The following NOL4L variants were observed in gnomAD, a reference collection of about 807,000 sequenced individuals.
NOL4L encodes the protein nucleolar protein 4 like, also known as nucleolar protein 4-like.
Under a neutral mutation model 64.5 loss-of-function variants are expected in NOL4L, and 7 were observed. That is an observed-to-expected ratio of 0.11 (90% CI 0.06 to 0.20). NOL4L has a LOEUF of 0.20. Among genes scored for constraint, NOL4L ranks in the 10% least tolerant of loss-of-function variants. NOL4L has a pLI of 1.00. For missense variants in NOL4L, 680 were observed against 967.1 expected (o/e 0.70, Z 3.94); for synonymous variants, 413 against 401.0 (o/e 1.03, Z -0.36).
At chr20:32,458,779 C>G (rs1443141752) in intron 5 of NOL4L, among the ~76,000 whole-genome samples, 1 of 152,236 alleles carries the variant, frequency 6.6e-6, no homozygotes, top group East Asian at 1.9e-4. Context: ...TCACAGGCAC[C>G]AGGCCCAAGG....
intron 1 of NOL4L, among the ~76,000 whole-genome samples, chr20:32,528,764 A>G (rs2018238161): frequency 6.6e-6 from 1 of 152,246 alleles, no homozygotes; most frequent in African/African-American, 2.4e-5. Context: ...TGCTCCGTGC[A>G]GGCAGTCCTC....
At chr20:32,461,580 G>A (rs1411302345) in intron 5 of NOL4L, among the ~76,000 whole-genome samples, 2 of 150,914 alleles carry the variant, frequency 1.3e-5, no homozygotes, top group Middle Eastern at 3.2e-3. Context: ...CCACCACCAC[G>A]CCTGGCTAAT....
rs190503749 is a variant in NOL4L at position 32,486,508 on chromosome 20, A to T, written c.700-11766T>A. Among the ~76,000 whole-genome samples, 15 of 152,302 alleles carry T rather than the reference A, an allele frequency of 9.8e-5. No individual in the cohort carries two copies. In the East Asian group the frequency reaches 2.3e-3, roughly 23 times the overall value. ...TTTAAGCAGCAAACCCCTTTCTTTC[A>T]TGCAGCTTCCCATATGAAGTAAGCA... On this transcript the variant is annotated intron_variant, in intron 4 of 10. Transcript: ENST00000621426.
At chr20:32,555,729 A>C (rs566372808) in intron 1 of NOL4L, among the ~76,000 whole-genome samples, 9 of 152,298 alleles carry the variant, frequency 5.9e-5, no homozygotes, top group African/African-American at 1.9e-4. Flanking sequence ...ATGAGAAGAC[A>C]CGGAGAGAAG....
At chr20:32,563,324 G>A (rs988174013) in intron 1 of NOL4L, among the ~76,000 whole-genome samples, 1 of 148,584 alleles carries the variant, frequency 6.7e-6, no homozygotes, top group Admixed American at 6.7e-5. Flanking sequence ...GAGGGTGAAG[G>A]GGAGGGAGGG....
intron 3 of NOL4L, among the ~76,000 whole-genome samples, chr20:32,515,943 G>C (rs559175445): frequency 3.3e-5 from 5 of 152,324 alleles, no homozygotes; most frequent in Non-Finnish European, 5.9e-5. Flanking sequence ...ATGCAGTCTC[G>C]AGAATAATCA....
chr20:32,562,719 C>T (rs1014979137), intron 1 of NOL4L, among the ~76,000 whole-genome samples: 1 of 151,854 alleles, frequency 6.6e-6, no homozygotes, highest in Non-Finnish European at 1.5e-5. Context: ...CTCCCTTGAC[C>T]TCCACAGCTT....
chr20:32,543,095 C>T (rs183301690), intron 1 of NOL4L, among the ~76,000 whole-genome samples: 8 of 152,194 alleles, frequency 5.3e-5, no homozygotes, highest in South Asian at 4.2e-4. Flanking sequence ...ATAAAGCTCG[C>T]GGGAAGCCAC....
intron 4 of NOL4L, among the ~76,000 whole-genome samples, chr20:32,480,390 C>T (rs1448678919): frequency 6.6e-6 from 1 of 152,172 alleles, no homozygotes; most frequent in Non-Finnish European, 1.5e-5. Context: ...GTTTCTGGGC[C>T]AAGCAGGAAA....
intron 4 of NOL4L, among the ~76,000 whole-genome samples, chr20:32,481,261 G>A (rs1463933067): frequency 7.2e-5 from 11 of 152,132 alleles, no homozygotes; most frequent in African/African-American, 2.2e-4. Flanking sequence ...TCCTCACCAC[G>A]AGGGCCTCGC....
chr20:32,454,758 C>G (rs993367254), intron 6 of NOL4L, among the ~76,000 whole-genome samples: 1 of 152,236 alleles, frequency 6.6e-6, no homozygotes, highest in African/African-American at 2.4e-5. Context: ...AGGTTGGCAT[C>G]TAGCAGGTAA....
intron 1 of NOL4L, 32 bp from the exon 2 acceptor site, chr20:32,527,945 C>A: frequency 6.5e-7 from 1 of 1,541,840 alleles, no homozygotes; most frequent in South Asian, 1.2e-5. Context: ...GTGTTAGTGT[C>A]AGGAATGATG....
rs150632489 is a variant in NOL4L at position 32,514,948 on chromosome 20, G to A, written c.590-3492C>T. Among the ~76,000 whole-genome samples, 136 of 152,274 alleles carry A rather than the reference G, an allele frequency of 8.9e-4. 1 individual carries two copies. The highest frequency in any genetic ancestry group is 3.0e-3 in the African/African-American group (125 of 41,548). On this transcript the variant is annotated intron_variant, in intron 3 of 10. Coordinates refer to ENST00000621426, the MANE Select transcript of NOL4L (RefSeq NM_001256798.2). The stretch of plus-strand genomic sequence containing the variant: ...CTCTCGCGGCCCCGGTCGGCCCTTC[G>A]TTGGGTGTTGCAGGGATTGTCTAGG...
At chr20:32,576,267 A>G (rs6119908) in intron 1 of NOL4L, among the ~76,000 whole-genome samples, 6,322 of 152,024 alleles carry the variant, frequency 0.042, 487 homozygotes, top group African/African-American at 0.15. Context: ...GGCCCCGGGG[A>G]GAGGCAGCCA....
At chr20:32,557,648 C>T (rs1978748225) in intron 1 of NOL4L, among the ~76,000 whole-genome samples, 1 of 152,258 alleles carries the variant, frequency 6.6e-6, no homozygotes, top group South Asian at 2.1e-4. Flanking sequence ...CTTTTGCCTA[C>T]ACATGCATCA....
intron 1 of NOL4L, among the ~76,000 whole-genome samples, chr20:32,558,792 G>T (rs1414553286): frequency 6.6e-6 from 1 of 152,174 alleles, no homozygotes; most frequent in African/African-American, 2.4e-5. Context: ...CCCCTGAAGG[G>T]TTTTAGGCTA....
At chr20:32,571,006 C>T (rs777151726) in intron 1 of NOL4L, among the ~76,000 whole-genome samples, 1 of 152,026 alleles carries the variant, frequency 6.6e-6, no homozygotes, top group African/African-American at 2.4e-5. Context: ...AGCCACACAG[C>T]GACTATGCAG....
intron 1 of NOL4L, among the ~76,000 whole-genome samples, chr20:32,542,377 A>G (rs374072655): frequency 1.3e-5 from 2 of 152,178 alleles, no homozygotes; most frequent in Non-Finnish European, 2.9e-5. Flanking sequence ...TTTTTGAGAC[A>G]GGGTCTCGCT....
intron 3 of NOL4L, among the ~76,000 whole-genome samples, chr20:32,517,472 C>A (rs938421933): frequency 6.6e-6 from 1 of 152,184 alleles, no homozygotes; most frequent in Non-Finnish European, 1.5e-5. Context: ...AGGCTTTCAG[C>A]GGGGGCAGGA....
Sources: allele counts gnomAD v4.1 joint callset (sites outside exome capture counted in the v4.1 genomes callset), GRCh38; gene constraint gnomAD v4.1.1; transcripts MANE v1.5; gene names NCBI Gene and HGNC (gene_info 2026-07-23, HGNC 2026-07-21).